The following SLC24A3 variants were observed in gnomAD, a reference collection of about 807,000 sequenced individuals.
The protein encoded by SLC24A3 is sodium/potassium/calcium exchanger 3.
In SLC24A3, 28 loss-of-function variants were observed where a neutral mutation model predicts 75.8. The observed-to-expected ratio is 0.37, with a 90% CI of 0.27 to 0.51. The LOEUF is 0.51. Among genes scored for constraint, SLC24A3 ranks in the 20% least tolerant of loss-of-function variants. The probability of loss-of-function intolerance (pLI) is 0.94; values close to 1 mark genes in which losing one functional copy is unlikely to be tolerated. For missense variants in SLC24A3, 663 were observed against 847.8 expected (o/e 0.78, Z 2.71); for synonymous variants, 372 against 334.1 (o/e 1.11, Z -1.24).
intron 9 of SLC24A3, 127 bp from the exon 10 acceptor site, chr20:19,681,731 A>T: frequency 7.0e-7 from 1 of 1,437,644 alleles, no homozygotes; most frequent in Non-Finnish European, 9.6e-7. Context: ...AAATTAGAAC[A>T]CTAATAACTT....
At chr20:19,707,868 A>AGTAG (rs1294109522) in intron 15 of SLC24A3, among the ~76,000 whole-genome samples, 2 of 152,220 alleles carry the variant, frequency 1.3e-5, no homozygotes, top group Non-Finnish European at 2.9e-5. Context: ...GGAGATATTA[A>AGTAG]GTAGGTAGTG....
intron 1 of SLC24A3, among the ~76,000 whole-genome samples, chr20:19,274,099 A>G (rs1040161458): frequency 7.9e-5 from 12 of 151,338 alleles, no homozygotes; most frequent in East Asian, 2.0e-4. Context: ...AAAACGCTCA[A>G]CTTTCAATCT....
intron 2 of SLC24A3, among the ~76,000 whole-genome samples, chr20:19,288,502 A>T (rs758220607): frequency 2.9e-4 from 44 of 152,192 alleles, no homozygotes; most frequent in Non-Finnish European, 5.0e-4. Context: ...AAGGATGATA[A>T]AACTCTGCTG....
intron 2 of SLC24A3, among the ~76,000 whole-genome samples, chr20:19,344,977 T>TA (rs1332665360): frequency 1.3e-5 from 2 of 152,168 alleles, no homozygotes; most frequent in African/African-American, 4.8e-5. Context: ...CTGGAAGCCC[T>TA]AGACAATGTA....
chr20:19,313,028 CTTTTTTTTTT>C (rs747623530), intron 2 of SLC24A3, among the ~76,000 whole-genome samples: 6 of 68,276 alleles, frequency 8.8e-5, no homozygotes, highest in Admixed American at 4.2e-4. Flanking sequence ...TTTTCTCTTG[CTTTTTTTTTT>C]TTTTTTTTTT....
intron 2 of SLC24A3, among the ~76,000 whole-genome samples, chr20:19,360,399 T>C (rs1453696616): frequency 1.3e-5 from 2 of 152,242 alleles, no homozygotes; most frequent in African/African-American, 4.8e-5. Context: ...AACATGAGAA[T>C]GTCCCTACAT....
At chr20:19,474,820 AC>A (rs1987935305) in intron 2 of SLC24A3, among the ~76,000 whole-genome samples, 1 of 152,192 alleles carries the variant, frequency 6.6e-6, no homozygotes, top group Non-Finnish European at 1.5e-5. Flanking sequence ...GATCTTTAGA[AC>A]ATATTCCTCT....
intron 2 of SLC24A3, among the ~76,000 whole-genome samples, chr20:19,294,562 T>G (rs775789193): frequency 1.3e-5 from 2 of 152,214 alleles, no homozygotes; most frequent in Non-Finnish European, 2.9e-5. Flanking sequence ...ATTAGTTTTC[T>G]GAGGATAATG....
intron 1 of SLC24A3, among the ~76,000 whole-genome samples, chr20:19,243,162 G>A (rs1477149804): frequency 3.3e-5 from 5 of 152,116 alleles, no homozygotes; most frequent in Non-Finnish European, 7.3e-5. Flanking sequence ...ATTATCCCAG[G>A]TGATTTCCTG....
At chr20:19,424,875 T>C (rs565754708) in intron 2 of SLC24A3, among the ~76,000 whole-genome samples, 1 of 152,154 alleles carries the variant, frequency 6.6e-6, no homozygotes, top group African/African-American at 2.4e-5. Context: ...ACGTATTATT[T>C]GACACTCATT....
At chr20:19,282,231 G>C (rs1309204933) in intron 2 of SLC24A3, among the ~76,000 whole-genome samples, 1 of 152,160 alleles carries the variant, frequency 6.6e-6, no homozygotes, top group Admixed American at 6.5e-5. Context: ...TTAACAATCA[G>C]CTTTCAAGCA....
At chr20:19,502,329 A>G (rs1042685016) in intron 2 of SLC24A3, among the ~76,000 whole-genome samples, 1 of 152,142 alleles carries the variant, frequency 6.6e-6, no homozygotes, top group African/African-American at 2.4e-5. Flanking sequence ...GCTGAACCTC[A>G]CATGCTTGGG....
In SLC24A3 at chr20:19,549,282, C is replaced by T. The variant is rs749979973; in HGVS notation, c.349-30718C>T. 3.9e-5 allele frequency among the ~76,000 whole-genome samples: 6 copies of T among 152,270 alleles called. 1 individual carries two copies. Among genetic ancestry groups the T allele is most frequent in the African/African-American group, 7.2e-5 (3 of 41,570 alleles). ...AAGAGCATCAGTTTTTGGTAGATAG[C>T]TAGACATACCTCTACCATGACTGAA... On this transcript the variant is annotated intron_variant, in intron 3 of 16. Transcript: ENST00000328041.
chr20:19,525,637 G>A (rs561875229), intron 3 of SLC24A3, among the ~76,000 whole-genome samples: 160 of 152,184 alleles, frequency 1.1e-3, no homozygotes, highest in African/African-American at 3.4e-3. Flanking sequence ...ATTTCCAGTC[G>A]GCCCCACCAA....
chr20:19,476,108 G>A (rs6046130), intron 2 of SLC24A3, among the ~76,000 whole-genome samples: 99,754 of 152,126 alleles, frequency 0.66, 33,841 homozygotes, highest in African/African-American at 0.84. Flanking sequence ...AGACCCACGC[G>A]ATCCACTCCC....
At chr20:19,716,097 G>C (rs1354622329) in intron 15 of SLC24A3, among the ~76,000 whole-genome samples, 1 of 152,190 alleles carries the variant, frequency 6.6e-6, no homozygotes, top group East Asian at 1.9e-4. Flanking sequence ...CCCTGCCCCA[G>C]GGTTTCTGAT....
intron 15 of SLC24A3, among the ~76,000 whole-genome samples, chr20:19,712,577 G>A (rs2033003309): frequency 3.3e-5 from 5 of 152,190 alleles, no homozygotes; most frequent in Non-Finnish European, 7.3e-5. Context: ...CAGAGAAGGG[G>A]TGCTAGGATA....
At chr20:19,369,920 G>A (rs1043548005) in intron 2 of SLC24A3, among the ~76,000 whole-genome samples, 1 of 151,872 alleles carries the variant, frequency 6.6e-6, no homozygotes, top group African/African-American at 2.4e-5. Context: ...CTCCCACTTC[G>A]GCCTCTCAAA....
At chr20:19,551,541 G>C (rs2030694158) in intron 3 of SLC24A3, among the ~76,000 whole-genome samples, 1 of 152,164 alleles carries the variant, frequency 6.6e-6, no homozygotes, top group South Asian at 2.1e-4. Flanking sequence ...GGTGAGTGTA[G>C]AGAAATAAAT....
Sources: gnomAD v4.1 joint callset for allele counts (sites outside exome capture counted in the v4.1 genomes callset) on GRCh38, gnomAD v4.1.1 for gene constraint, MANE v1.5 for transcripts, NCBI Gene and HGNC (gene_info 2026-07-23, HGNC 2026-07-21) for gene names.